The following WDR7 variants were observed in gnomAD, a reference collection of about 807,000 sequenced individuals.
WDR7 encodes the protein WD repeat-containing protein 7.
WDR7 carries 46 observed loss-of-function variants against 169.4 expected under a neutral mutation model. The observed-to-expected ratio is 0.27, with a 90% CI of 0.21 to 0.35. The LOEUF (loss-of-function observed/expected upper bound fraction) is 0.35. Ranked by LOEUF, WDR7 falls within the 10% of genes least tolerant of loss-of-function variation. The probability of loss-of-function intolerance (pLI) is 1.00; values close to 1 mark genes in which losing one functional copy is unlikely to be tolerated. For synonymous variants in WDR7, 612 were observed against 666.8 expected (o/e 0.92, Z 1.27); for missense variants, 1,534 against 1,859.3 (o/e 0.83, Z 3.22).
intron 7 of WDR7, among the ~76,000 whole-genome samples, chr18:56,690,744 G>A (rs538355613): frequency 1.3e-5 from 2 of 152,112 alleles, no homozygotes; most frequent in Non-Finnish European, 2.9e-5. Flanking sequence ...GAGCCCAGGA[G>A]TTTGAGGTTG....
chr18:56,722,102 G>A (rs1260217433), intron 13 of WDR7, among the ~76,000 whole-genome samples: 2 of 152,116 alleles, frequency 1.3e-5, no homozygotes, highest in Non-Finnish European at 2.9e-5. Flanking sequence ...ATCTAGCAGG[G>A]AATTATGAAT....
At chr18:57,005,660 T>C (rs1275084969) in intron 26 of WDR7, among the ~76,000 whole-genome samples, 2 of 152,144 alleles carry the variant, frequency 1.3e-5, no homozygotes, top group Non-Finnish European at 2.9e-5. Context: ...ATTTTTAGTT[T>C]CTTTTTTTAT....
At chr18:56,936,911 T>C (rs1012023223) in intron 23 of WDR7, among the ~76,000 whole-genome samples, 6 of 152,336 alleles carry the variant, frequency 3.9e-5, no homozygotes, top group Non-Finnish European at 8.8e-5. Context: ...ATTTTGTAGG[T>C]ATTATATAGT....
intron 9 of WDR7, among the ~76,000 whole-genome samples, chr18:56,693,561 G>GA (rs2025623892): frequency 1.0e-5 from 1 of 98,756 alleles, no homozygotes; most frequent in Admixed American, 1.5e-4. Flanking sequence ...AATTTTGTTG[G>GA]TTTTTTTTTT....
chr18:56,656,607 G>C (rs1460349846), intron 1 of WDR7, among the ~76,000 whole-genome samples: 1 of 147,194 alleles, frequency 6.8e-6, no homozygotes, highest in Non-Finnish European at 1.5e-5. Context: ...TAACTGTTCT[G>C]ATGTGTGATG....
At chr18:56,767,065 C>A (rs2044079590) in intron 16 of WDR7, among the ~76,000 whole-genome samples, 1 of 151,882 alleles carries the variant, frequency 6.6e-6, no homozygotes, top group Non-Finnish European at 1.5e-5. Context: ...TTTTCCTGGT[C>A]TTGCTTTTAT....
At chr18:56,942,957 G>A (rs1224591695) in intron 25 of WDR7, among the ~76,000 whole-genome samples, 1 of 152,174 alleles carries the variant, frequency 6.6e-6, no homozygotes, top group Non-Finnish European at 1.5e-5. Flanking sequence ...CATAAACATA[G>A]AAGAATGATT....
At chr18:57,022,564 A>T (rs7227233) in intron 27 of WDR7, among the ~76,000 whole-genome samples, 48,738 of 152,072 alleles carry the variant, frequency 0.32, 8,651 homozygotes, top group East Asian at 0.81. Flanking sequence ...TACCTCACAT[A>T]TTAGCCAGAT....
intron 26 of WDR7, among the ~76,000 whole-genome samples, chr18:56,965,438 CT>C (rs144014488): frequency 0.091 from 12,931 of 142,028 alleles, 814 homozygotes; most frequent in African/African-American, 0.19. Context: ...TGACTTCTGC[CT>C]TTTTTTTTTT....
chr18:57,015,463 A>G (rs925546372), intron 26 of WDR7, among the ~76,000 whole-genome samples: 3 of 152,316 alleles, frequency 2.0e-5, no homozygotes, highest in Middle Eastern at 3.4e-3. Context: ...TTCCTGGAAC[A>G]TAATTAATTC....
intron 25 of WDR7, among the ~76,000 whole-genome samples, chr18:56,944,574 CTG>C (rs1456555804): frequency 2.6e-5 from 4 of 152,194 alleles, no homozygotes; most frequent in South Asian, 2.1e-4. Context: ...GAGCTATAAA[CTG>C]TGAATCCATT....
chr18:56,965,324 T>A (rs748592043), intron 26 of WDR7, among the ~76,000 whole-genome samples: 1 of 152,070 alleles, frequency 6.6e-6, no homozygotes, highest in Non-Finnish European at 1.5e-5. Flanking sequence ...AGAGAACCCA[T>A]GACTGAGAGA....
chr18:56,861,162 A>G (rs2045799647), intron 20 of WDR7, among the ~76,000 whole-genome samples: 1 of 152,172 alleles, frequency 6.6e-6, no homozygotes, highest in Non-Finnish European at 1.5e-5. Flanking sequence ...GCACTTTGAT[A>G]AATAAATAGA....
At chr18:56,979,534 T>A (rs2047612251) in intron 26 of WDR7, among the ~76,000 whole-genome samples, 15 of 152,204 alleles carry the variant, frequency 9.9e-5, no homozygotes, top group Admixed American at 9.8e-4. Context: ...CAATATCTTG[T>A]TAACCCTTTG....
intron 20 of WDR7, among the ~76,000 whole-genome samples, chr18:56,877,954 CAT>C (rs147012953): frequency 0.017 from 2,628 of 152,142 alleles, 19 homozygotes; most frequent in Non-Finnish European, 0.028. Context: ...TAGTTGTGTA[CAT>C]GTTAGTCATG....
chr18:56,874,936 C>G (rs2046003293), intron 20 of WDR7, among the ~76,000 whole-genome samples: 1 of 152,098 alleles, frequency 6.6e-6, no homozygotes, highest in African/African-American at 2.4e-5. Context: ...CCTCCTTTTT[C>G]CCTTACATAC....
intron 21 of WDR7, among the ~76,000 whole-genome samples, chr18:56,908,225 A>C (rs965573623): frequency 6.6e-6 from 1 of 152,214 alleles, no homozygotes; most frequent in African/African-American, 2.4e-5. Flanking sequence ...ACTAGGCCAG[A>C]GTTAACAGGG....
At chr18:56,906,609 T>A (rs1304762534) in intron 21 of WDR7, among the ~76,000 whole-genome samples, 1 of 151,146 alleles carries the variant, frequency 6.6e-6, no homozygotes, top group African/African-American at 2.4e-5. Flanking sequence ...AATGGCATGA[T>A]CTTGGCTCAC....
chr18:56,694,584 T>A (rs2025655734), intron 9 of WDR7, 35 bp from the exon 10 acceptor site: 1 of 1,570,152 alleles, frequency 6.4e-7, no homozygotes, highest in Admixed American at 1.8e-5. Flanking sequence ...TGATTAAAAA[T>A]ACAGCTAAAG....
Sources: gnomAD v4.1 joint callset for allele counts (sites outside exome capture counted in the v4.1 genomes callset) on GRCh38, gnomAD v4.1.1 for gene constraint, MANE v1.5 for transcripts, NCBI Gene and HGNC (gene_info 2026-07-23, HGNC 2026-07-21) for gene names.